ERI3: variants seen among roughly 807,000 people sequenced by gnomAD.
ERI3 encodes ERI1 exoribonuclease family member 3.
In ERI3, 18 loss-of-function variants were observed where a neutral mutation model predicts 44.4. That is an observed-to-expected ratio of 0.41 (90% CI 0.28 to 0.60). ERI3 has a LOEUF of 0.60. Among genes scored for constraint, ERI3 ranks in the 20% least tolerant of loss-of-function variants. The pLI, the probability that ERI3 is intolerant of heterozygous loss-of-function variation, is 0.36. For missense variants in ERI3, 294 were observed against 435.5 expected, an observed-to-expected ratio of 0.68 and a Z score of 2.89; for synonymous variants, 183 against 164.8, an observed-to-expected ratio of 1.11 and a Z score of -0.84.
At chr1:44,320,495 T>A (rs1464276277) in intron 3 of ERI3, among the ~76,000 whole-genome samples, 1 of 152,104 alleles carries the variant, frequency 6.6e-6, no homozygotes, top group Non-Finnish European at 1.5e-5. Context: ...CAAACAGGCT[T>A]GCAGAACGCT....
At chr1:44,293,273 A>G (rs1208528299) in intron 6 of ERI3, among the ~76,000 whole-genome samples, 1 of 152,238 alleles carries the variant, frequency 6.6e-6, no homozygotes, top group Non-Finnish European at 1.5e-5. Flanking sequence ...ATGATGCTGG[A>G]GGGAGCTGGC....
chr1:44,328,066 C>T lies in ERI3; in HGVS notation c.490-8322G>A, dbSNP rs575505743. ...GCCCCAGGGACTGCTGATCTCTTCA[C>T]AGAATACTGCATGCCTGTGGGGTGG... On this transcript the variant is annotated intron_variant, in intron 3 of 8. Coordinates refer to ENST00000372257, the MANE Select transcript of ERI3 (RefSeq NM_024066.3). Among the ~76,000 whole-genome samples, 251 of 152,326 alleles carry T rather than the reference C, an allele frequency of 1.6e-3. 1 individual carries two copies. The highest frequency in any genetic ancestry group is 5.8e-3 in the African/African-American group (241 of 41,578).
intron 3 of ERI3, among the ~76,000 whole-genome samples, chr1:44,321,407 C>A (rs1200608910): frequency 6.6e-6 from 1 of 152,148 alleles, no homozygotes; most frequent in Non-Finnish European, 1.5e-5. Context: ...CCAGGTAATA[C>A]CTCTCCTTCC....
intron 6 of ERI3, among the ~76,000 whole-genome samples, chr1:44,290,240 T>C (rs922409975): frequency 1.3e-5 from 2 of 152,086 alleles, no homozygotes; most frequent in Non-Finnish European, 2.9e-5. Context: ...CTGTATTCCA[T>C]GTGATATGCA....
chr1:44,222,078 C>A (rs897353775), intron 8 of ERI3, among the ~76,000 whole-genome samples: 1 of 152,246 alleles, frequency 6.6e-6, no homozygotes, highest in Non-Finnish European at 1.5e-5. Flanking sequence ...CATTACTGTG[C>A]GACCATTCAT....
At chr1:44,340,727 C>G (rs1646636971) in intron 2 of ERI3, among the ~76,000 whole-genome samples, 1 of 152,128 alleles carries the variant, frequency 6.6e-6, no homozygotes, top group Non-Finnish European at 1.5e-5. Flanking sequence ...GGAGCTAAGA[C>G]CAAAAAATAT....
intron 7 of ERI3, 97 bp from the exon 8 acceptor site, chr1:44,248,135 A>T: frequency 1.4e-6 from 1 of 737,300 alleles, no homozygotes; most frequent in Non-Finnish European, 2.2e-6. Context: ...CTTTCCAACA[A>T]GGAATCCCTC....
At chr1:44,254,469 T>G (rs1345798276) in intron 7 of ERI3, among the ~76,000 whole-genome samples, 1 of 152,302 alleles carries the variant, frequency 6.6e-6, no homozygotes, top group African/African-American at 2.4e-5. Context: ...CCCTTGAATC[T>G]ATCACTTCAA....
chr1:44,332,726 T>C (rs1042062169), intron 3 of ERI3, among the ~76,000 whole-genome samples: 2 of 152,230 alleles, frequency 1.3e-5, no homozygotes, highest in African/African-American at 4.8e-5. Context: ...AGCAAACGCT[T>C]GTTCCCATTC....
intron 7 of ERI3, among the ~76,000 whole-genome samples, chr1:44,250,836 A>G (rs960648143): frequency 2.6e-5 from 4 of 152,170 alleles, no homozygotes; most frequent in African/African-American, 9.7e-5. Flanking sequence ...GGACCTTCAC[A>G]TACCAGCCAA....
At chr1:44,351,035 A>G (rs1405536523) in intron 2 of ERI3, among the ~76,000 whole-genome samples, 1 of 149,888 alleles carries the variant, frequency 6.7e-6, no homozygotes. Context: ...ATCAGAGCAA[A>G]CTTTTTTTTT....
intron 8 of ERI3, among the ~76,000 whole-genome samples, chr1:44,225,490 T>C (rs944857962): frequency 1.3e-5 from 2 of 152,192 alleles, no homozygotes; most frequent in Non-Finnish European, 2.9e-5. Flanking sequence ...CCCTCTCCTC[T>C]TCTTTTTTGG....
intron 3 of ERI3, among the ~76,000 whole-genome samples, chr1:44,338,384 A>G (rs192526777): frequency 8.5e-5 from 13 of 152,218 alleles, no homozygotes; most frequent in Admixed American, 1.3e-4. Flanking sequence ...GGGCTGGTAG[A>G]TTCACTTCTA....
At chr1:44,326,003 C>G (rs372234138) in intron 3 of ERI3, among the ~76,000 whole-genome samples, 6 of 152,188 alleles carry the variant, frequency 3.9e-5, no homozygotes, top group African/African-American at 1.4e-4. Context: ...ATAGATTCTC[C>G]TCTGCCTGAG....
rs747155448 is a variant in ERI3, at chr1:44,339,356, A to G, written c.212-34T>C. ...AGGAAAGTTTAAAAAAAAAAAAAAAAAAGAAAAGAAAGAAAAAAAAAAAAA... is the reference window on the plus strand; with the variant it reads ...AGGAAAGTTTAAAAAAAAAAAAAAAGAAGAAAAGAAAGAAAAAAAAAAAAA... On this transcript the variant is annotated intron_variant, in intron 2 of 8. Coordinates refer to ENST00000372257, the MANE Select transcript of ERI3 (RefSeq NM_024066.3). 6.9e-6 allele frequency: 10 copies of G among 1,456,700 alleles called. No homozygotes were observed. The African/African-American group carries it at 1.3e-4, about 19-fold the overall frequency. 90.2% of individuals were successfully genotyped at this position (1,456,700 alleles called of 1,614,324 possible).
chr1:44,292,095 C>T (rs1300305577), intron 6 of ERI3, among the ~76,000 whole-genome samples: 1 of 152,150 alleles, frequency 6.6e-6, no homozygotes, highest in Non-Finnish European at 1.5e-5. Flanking sequence ...ATAAGGAGAT[C>T]GATTGAGACC....
chr1:44,271,838 A>T (rs1645093099), intron 7 of ERI3, among the ~76,000 whole-genome samples: 1 of 152,192 alleles, frequency 6.6e-6, no homozygotes, highest in South Asian at 2.1e-4. Flanking sequence ...ACAGCCAGGC[A>T]TGCTGATGGC....
chr1:44,244,534 T>C (rs1295289740), intron 8 of ERI3, among the ~76,000 whole-genome samples: 1 of 152,140 alleles, frequency 6.6e-6, no homozygotes, highest in Admixed American at 6.5e-5. Flanking sequence ...TCCTGATATA[T>C]GGTAGGTCCA....
intron 7 of ERI3, among the ~76,000 whole-genome samples, chr1:44,264,951 G>A (rs1479993335): frequency 6.6e-6 from 1 of 152,120 alleles, no homozygotes; most frequent in Non-Finnish European, 1.5e-5. Context: ...TTCTTCCATG[G>A]AGCTGGTTCA....
Sources: allele counts gnomAD v4.1 joint callset (sites outside exome capture counted in the v4.1 genomes callset), GRCh38; gene constraint gnomAD v4.1.1; transcripts MANE v1.5; gene names NCBI Gene and HGNC (gene_info 2026-07-23, HGNC 2026-07-21).